The following MAK16 variants were observed in gnomAD, a reference collection of about 807,000 sequenced individuals.
MAK16 encodes protein MAK16 homolog.
A neutral mutation model predicts 49.9 loss-of-function variants in MAK16; 12 were observed. The ratio of observed to expected loss-of-function variants is 0.24; its 90% confidence interval spans 0.15 to 0.39. The LOEUF is 0.39. Among genes scored for constraint, MAK16 ranks in the 10% least tolerant of loss-of-function variants. The pLI is 1.00. For missense variants in MAK16, 292 were observed against 363.7 expected, an observed-to-expected ratio of 0.80 and a Z score of 1.60; for synonymous variants, 115 against 126.4, an observed-to-expected ratio of 0.91 and a Z score of 0.60.
At chr8:33,486,107 T>C (rs183680369) in intron 1 of MAK16, among the ~76,000 whole-genome samples, 1 of 152,324 alleles carries the variant, frequency 6.6e-6, no homozygotes, top group Admixed American at 6.5e-5. Flanking sequence ...GGTAATGAAA[T>C]TAGATATGCT....
Position 33,489,701 on chromosome 8 carries a change from C to T in MAK16, c.392+562C>T, listed in dbSNP as rs114050146. 0.015 allele frequency among the ~76,000 whole-genome samples: 2,322 copies of T among 152,172 alleles called. 72 individuals are homozygous for T. Among genetic ancestry groups the T allele is most frequent in the African/African-American group, 0.053 (2,186 of 41,510 alleles). ...TTCAGAAAATTTCCTCTATGACCCCCGAGGGAATCTTAACTTTAGAGATTT... is the reference window on the plus strand; with the variant it reads ...TTCAGAAAATTTCCTCTATGACCCCTGAGGGAATCTTAACTTTAGAGATTT... On this transcript the variant is annotated intron_variant, in intron 5 of 9. Coordinates refer to ENST00000360128, the MANE Select transcript of MAK16 (RefSeq NM_032509.4). The surrounding 1 kb of genome is among the most constrained non-coding windows in gnomAD (Gnocchi z 4.2).
At chr8:33,485,326 C>A in intron 1 of MAK16, 105 bp downstream of exon 1, 1 of 1,479,598 alleles carries the variant, frequency 6.8e-7, no homozygotes, top group Non-Finnish European at 9.4e-7. Context: ...TGCCTCGTGC[C>A]GCTCTGGATG....
rs1354510751 is a variant in MAK16 at position 33,499,453 on chromosome 8, A to C, written c.*824A>C. The stretch of plus-strand genomic sequence containing the variant: ...GGTTTTTTATTATTTTTAAATTTAT[A>C]TAGCTCTCATGTATTGAAGGTGCTA... On this transcript the variant is annotated 3_prime_UTR_variant, in exon 10 of 10. Transcript: ENST00000360128. 1 of 571,760 alleles carries C rather than the reference A, an allele frequency of 1.7e-6. No homozygotes were observed. Among genetic ancestry groups the C allele is most frequent in the Non-Finnish European group, 3.1e-6 (1 of 323,888 alleles). The allele number at this position is 571,760 out of a possible 1,614,324, so 35.4% of individuals were successfully genotyped here.
chr8:33,500,663 C>G lies in MAK16; in HGVS notation c.*2034C>G, dbSNP rs1809042206. 2 of 688,964 alleles carry G rather than the reference C, an allele frequency of 2.9e-6. No individual in the cohort carries two copies. The highest frequency in any genetic ancestry group is 2.3e-6 in the Non-Finnish European group (1 of 425,782). The allele number at this position is 688,964 out of a possible 1,614,324, so 42.7% of individuals were successfully genotyped here. A position where few individuals can be genotyped will look rare whatever the true frequency, so the allele number is the denominator to read the frequency against. ...CCAAAGACAGCCTCTAGATTTCTTACCCTCAAGTCTCCTGTTAGCATACTG... is the reference window on the plus strand; with the variant it reads ...CCAAAGACAGCCTCTAGATTTCTTAGCCTCAAGTCTCCTGTTAGCATACTG... On this transcript the variant is annotated 3_prime_UTR_variant, in exon 10 of 10. Coordinates refer to ENST00000360128, the MANE Select transcript of MAK16 (RefSeq NM_032509.4).
chr8:33,496,335 C>T (rs1808857555), intron 7 of MAK16, among the ~76,000 whole-genome samples: 1 of 152,082 alleles, frequency 6.6e-6, no homozygotes, highest in African/African-American at 2.4e-5. Context: ...CCCTTGTCAG[C>T]AAAATGACAT....
At chr8:33,485,260 G>C (rs200129884) in intron 1 of MAK16, 39 bp downstream of exon 1, 242 of 1,613,960 alleles carry the variant, frequency 1.5e-4, no homozygotes, top group Non-Finnish European at 1.9e-4. Flanking sequence ...CGGGGTTTGC[G>C]CAGGGAATTT....
Position 33,485,212 on chromosome 8 carries a change from G to A in MAK16, c.6G>A (p.Gln2=). Residue 2 remains glutamine, a synonymous_variant, in exon 1 of 10, where the codon CAG becomes CAA. Transcript: ENST00000360128. The part of the protein sequence containing the change: M[Q]SDDVIWDTLG... ...CACGCTGAGCCGCGGACACCATGCA[G>A]TCGGATGATGTGAGTCTCCTCCGGT... 1 of 1,614,214 alleles carries A rather than the reference G, an allele frequency of 6.2e-7. No individual in the cohort carries two copies. Among genetic ancestry groups the A allele is most frequent in the African/African-American group, 1.3e-5 (1 of 75,064 alleles).
chr8:33,496,912 C>T (rs1158955309), intron 8 of MAK16, among the ~76,000 whole-genome samples, 171 bp downstream of exon 8: 1 of 152,152 alleles, frequency 6.6e-6, no homozygotes, highest in Non-Finnish European at 1.5e-5. Flanking sequence ...AACCAACAAA[C>T]CATTAACAAT....
At position 33,500,022 on chromosome 8, in the gene MAK16, T is replaced by A; in HGVS notation, c.*1393T>A. The A allele has an allele frequency of 4.5e-6, 1 of 224,484 alleles. No homozygotes were observed. The highest frequency in any genetic ancestry group is 8.8e-6 in the Non-Finnish European group (1 of 113,348). The allele number at this position is 224,484 out of a possible 1,614,324, so 13.9% of individuals were successfully genotyped here. Reference sequence around the variant, plus strand: ...ACTTTTTTTTTTTAATTCAGAAGACTAGAACAGAACTTAAATTTTACAAAC... The same window carrying A: ...ACTTTTTTTTTTTAATTCAGAAGACAAGAACAGAACTTAAATTTTACAAAC... On this transcript the variant is annotated 3_prime_UTR_variant, in exon 10 of 10. Coordinates refer to ENST00000360128, the MANE Select transcript of MAK16 (RefSeq NM_032509.4).
intron 1 of MAK16, among the ~76,000 whole-genome samples, chr8:33,486,320 G>T (rs139760038): frequency 6.6e-6 from 1 of 152,116 alleles, no homozygotes; most frequent in Non-Finnish European, 1.5e-5. Flanking sequence ...TGGGAGGCTG[G>T]GGCTGGAGGA....
At chr8:33,490,406 C>T (rs1458522173) in intron 6 of MAK16, 67 bp downstream of exon 6, 1 of 1,286,030 alleles carries the variant, frequency 7.8e-7, no homozygotes, top group Non-Finnish European at 1.1e-6. Context: ...TAGATTCAGT[C>T]ACCATCATTA....
At chr8:33,485,879 A>G (rs1808679573) in intron 1 of MAK16, among the ~76,000 whole-genome samples, 1 of 152,224 alleles carries the variant, frequency 6.6e-6, no homozygotes, top group Non-Finnish European at 1.5e-5. Flanking sequence ...CATACTATGA[A>G]AGAAAGACCA....
At chr8:33,496,831 AATGAT>A in intron 8 of MAK16, 90 bp downstream of exon 8, 1 of 937,266 alleles carries the variant, frequency 1.1e-6, no homozygotes, top group Admixed American at 2.8e-5. Flanking sequence ...GCTAACCAAA[AATGAT>A]ATGTCTTCTT....
At position 33,500,383 on chromosome 8, in the gene MAK16, T is replaced by G; in HGVS notation, c.*1754T>G. 10 of 1,614,206 alleles carry G rather than the reference T, an allele frequency of 6.2e-6. No homozygotes were observed. The highest frequency in any genetic ancestry group is 8.5e-6 in the Non-Finnish European group (10 of 1,180,026). Reference sequence around the variant, plus strand: ...GAGAATCAGGCAGTCTGTGGCCTCCTGTAGCAGGGCGCTCTTAACAGACTC... The same window carrying G: ...GAGAATCAGGCAGTCTGTGGCCTCCGGTAGCAGGGCGCTCTTAACAGACTC... On this transcript the variant is annotated 3_prime_UTR_variant, in exon 10 of 10. Coordinates refer to ENST00000360128, the MANE Select transcript of MAK16 (RefSeq NM_032509.4).
chr8:33,485,305 A>G, intron 1 of MAK16, 84 bp downstream of exon 1: 1 of 1,576,986 alleles, frequency 6.3e-7, no homozygotes, highest in South Asian at 1.1e-5. Context: ...ACGCGTACGC[A>G]GCGGGTCTGT....
At chr8:33,490,909 G>C (rs190605290) in intron 6 of MAK16, among the ~76,000 whole-genome samples, 12 of 152,018 alleles carry the variant, frequency 7.9e-5, no homozygotes, top group Non-Finnish European at 2.9e-5. Flanking sequence ...TTTAGCGGGG[G>C]TACCCATTAA....
Position 33,485,227 on chromosome 8 carries a change from T to A in MAK16, c.15+6T>A, listed in dbSNP as rs912788676. 6.2e-7 allele frequency: 1 copy of A among 1,613,966 alleles called. No individual in the cohort carries two copies. The highest frequency in any genetic ancestry group is 8.5e-7 in the Non-Finnish European group (1 of 1,180,008). On this transcript the variant is annotated splice_donor_region_variant and intron_variant, in intron 1 of 9. Transcript: ENST00000360128. ...ACACCATGCAGTCGGATGATGTGAG[T>A]CTCCTCCGGTTGTTCTTACACCCGG...
chr8:33,488,937 C>T, intron 4 of MAK16, 51 bp from the exon 5 acceptor site: 2 of 1,612,338 alleles, frequency 1.2e-6, no homozygotes, highest in Non-Finnish European at 1.7e-6. Flanking sequence ...CAGTGAAAAC[C>T]TAATGAATCA....
Position 33,499,303 on chromosome 8 carries a change from T to G in MAK16, c.*674T>G. 6.5e-7 allele frequency: 1 copy of G among 1,545,788 alleles called. No individual in the cohort carries two copies. Among genetic ancestry groups the G allele is most frequent in the Non-Finnish European group, 8.9e-7 (1 of 1,119,242 alleles). On this transcript the variant is annotated 3_prime_UTR_variant, in exon 10 of 10. Coordinates refer to ENST00000360128, the MANE Select transcript of MAK16 (RefSeq NM_032509.4). Reference sequence around the variant, plus strand: ...CTGAAACATGAAACCAAACAGGCTTTGATATTTTTTTTTTTTTAATTACTT... The same window carrying G: ...CTGAAACATGAAACCAAACAGGCTTGGATATTTTTTTTTTTTTAATTACTT...
Sources: gnomAD v4.1 joint callset for allele counts (sites outside exome capture counted in the v4.1 genomes callset) on GRCh38, gnomAD v4.1.1 for gene constraint, Gnocchi (gnomAD v3.1) non-coding constraint, MANE v1.5 for transcripts, NCBI Gene and HGNC (gene_info 2026-07-23, HGNC 2026-07-21) for gene names.